ZUP1: variants seen among roughly 807,000 people sequenced by gnomAD.
ZUP1 encodes zinc finger-containing ubiquitin peptidase 1.
Under a neutral mutation model 68.1 loss-of-function variants are expected in ZUP1, and 55 were observed. The observed-to-expected ratio is 0.81, with a 90% CI of 0.65 to 1.01. The LOEUF is 1.01. Ranked by LOEUF, ZUP1 falls within the 50% of genes least tolerant of loss-of-function variation. The probability of loss-of-function intolerance (pLI) is 0.00; values close to 1 mark genes in which losing one functional copy is unlikely to be tolerated. For missense variants in ZUP1, 684 were observed against 674.9 expected (o/e 1.01, Z -0.15); for synonymous variants, 223 against 221.5 (o/e 1.01, Z -0.06).
chr6:116,662,629 G>T (rs1776878667), intron 2 of ZUP1, among the ~76,000 whole-genome samples: 2 of 152,142 alleles, frequency 1.3e-5, no homozygotes. Context: ...TCGGTCATCA[G>T]TCAGCTTCTC....
At chr6:116,648,974 C>CA (rs776241266) in intron 7 of ZUP1, among the ~76,000 whole-genome samples, 207 of 77,108 alleles carry the variant, frequency 2.7e-3, no homozygotes, top group South Asian at 6.8e-3. Flanking sequence ...GACTCTGTCT[C>CA]AAAAAAAAAA....
chr6:116,638,144 A>G (rs1043393792), intron 9 of ZUP1, among the ~76,000 whole-genome samples: 1 of 151,766 alleles, frequency 6.6e-6, no homozygotes, highest in Non-Finnish European at 1.5e-5. Flanking sequence ...CTATTATTTC[A>G]AAAACTTACA....
At chr6:116,637,960 A>G (rs1410808693) in intron 9 of ZUP1, among the ~76,000 whole-genome samples, 1 of 151,616 alleles carries the variant, frequency 6.6e-6, no homozygotes, top group East Asian at 1.9e-4. Flanking sequence ...TACTTGGGAG[A>G]CTGAGGCAGG....
At position 116,651,684 on chromosome 6, in the gene ZUP1, T is replaced by C; in HGVS notation, c.1204A>G (p.Lys402Glu). 2 of 1,613,878 alleles carry C rather than the reference T, an allele frequency of 1.2e-6. No homozygotes were observed. The highest frequency in any genetic ancestry group is 1.7e-6 in the Non-Finnish European group (2 of 1,179,854). ...GCCCCCTGAGGATCAAAACCTTCCT[T>C]CCATGCATCTTCAATCATAGATTGA... is the stretch of plus-strand genomic sequence containing the variant. ...KIQSMIEDAW[K>E]EGFDPQGASQ... The change falls in exon 7 of 10, where the codon AAG becomes GAG. Residue 402 changes from lysine to glutamate, a missense_variant. By Grantham distance (56) the Lys-to-Glu change is moderately conservative. Transcript: ENST00000368576.
At chr6:116,640,876 T>G (rs987267983) in intron 9 of ZUP1, among the ~76,000 whole-genome samples, 3 of 149,784 alleles carry the variant, frequency 2.0e-5, no homozygotes, top group East Asian at 2.0e-4. Context: ...ATGCTCCAAT[T>G]AAAAGACACA....
At chr6:116,664,902 A>G (rs937566226) in intron 2 of ZUP1, among the ~76,000 whole-genome samples, 2 of 152,120 alleles carry the variant, frequency 1.3e-5, no homozygotes, top group Non-Finnish European at 2.9e-5. Flanking sequence ...ACACACACAC[A>G]CACAATCCAG....
chr6:116,645,767 TA>T lies in ZUP1; in HGVS notation c.1635del (p.His545GlnfsTer9), dbSNP rs747428911. 1 of 1,613,966 alleles carries T rather than the reference TA, an allele frequency of 6.2e-7. No homozygotes were observed. The highest frequency in any genetic ancestry group is 1.1e-5 in the South Asian group (1 of 91,080). ...QLRKSMGNLK[H>X]KQYQILAVEG... is the part of the protein sequence containing the mutation. ...TCTACTGCCAATATCTGGTATTGCT[TA>T]TGTTTTAAATTTCCCATAGATTTCC... On this transcript the variant is annotated frameshift_variant, in exon 9 of 10. Transcript: ENST00000368576. LOFTEE classifies it high-confidence loss of function.
At position 116,658,837 on chromosome 6, in the gene ZUP1, GATTCT is replaced by G. The variant is rs757650632; in HGVS notation, c.753_757del (p.Glu251AspfsTer19). Reference sequence around the variant, plus strand: ...CTGAAATTCTTCTATTTCTTGTCTTGATTCTTCAGATCTCCTCTTTCTGTCTTCTT... The same window carrying G: ...CTGAAATTCTTCTATTTCTTGTCTTGTCAGATCTCCTCTTTCTGTCTTCTT... On this transcript the variant is annotated frameshift_variant, in exon 4 of 10. Coordinates refer to ENST00000368576, the MANE Select transcript of ZUP1 (RefSeq NM_145062.3). LOFTEE classifies it high-confidence loss of function. 6.2e-7 allele frequency: 1 copy of G among 1,603,400 alleles called. No homozygotes were observed. The highest frequency in any genetic ancestry group is 1.3e-5 in the African/African-American group (1 of 74,614).
intron 9 of ZUP1, among the ~76,000 whole-genome samples, chr6:116,644,877 A>G (rs1057043032): frequency 1.3e-5 from 2 of 151,742 alleles, no homozygotes; most frequent in African/African-American, 4.8e-5. Flanking sequence ...AAGAAGAAGA[A>G]GAAGAAGAAA....
intron 9 of ZUP1, among the ~76,000 whole-genome samples, chr6:116,638,759 C>T (rs540754964): frequency 8.5e-5 from 13 of 152,292 alleles, no homozygotes; most frequent in South Asian, 4.1e-4. Context: ...GCATGAGTGA[C>T]GCAGAAGACG....
At chr6:116,640,809 T>C (rs993539147) in intron 9 of ZUP1, among the ~76,000 whole-genome samples, 6 of 151,122 alleles carry the variant, frequency 4.0e-5, no homozygotes, top group Non-Finnish European at 8.8e-5. Context: ...GCTAACATCA[T>C]AATGACAGGA....
rs1385255728 is a variant in ZUP1, at chr6:116,659,627, A to AT, written c.671-704_671-703insA. On this transcript the variant is annotated intron_variant, in intron 3 of 9. Coordinates refer to ENST00000368576, the MANE Select transcript of ZUP1 (RefSeq NM_145062.3). Reference sequence around the variant, plus strand: ...AAAGAAATACTAGGGGAGAAAAAAAAAAAAATAAAGAGCATAAAAATACAC... The same window carrying AT: ...AAAGAAATACTAGGGGAGAAAAAAAATAAAAATAAAGAGCATAAAAATACAC... Among the ~76,000 whole-genome samples the AT allele has an allele frequency of 1.0e-4, 15 of 148,158 alleles. No homozygotes were observed. In the East Asian group the frequency reaches 1.2e-3, roughly 11 times the overall value.
chr6:116,666,532 A>C, intron 2 of ZUP1, 102 bp downstream of exon 2: 1 of 908,264 alleles, frequency 1.1e-6, no homozygotes, highest in South Asian at 2.6e-5. Context: ...AATGGATTTC[A>C]AAACACATCT....
chr6:116,663,827 G>T (rs1421547225), intron 2 of ZUP1, among the ~76,000 whole-genome samples: 1 of 151,296 alleles, frequency 6.6e-6, no homozygotes, highest in Non-Finnish European at 1.5e-5. Context: ...CAGGCCTGTA[G>T]TCCCAGCCCC....
intron 9 of ZUP1, among the ~76,000 whole-genome samples, chr6:116,641,506 A>G (rs1562399199): frequency 6.6e-6 from 1 of 152,086 alleles, no homozygotes; most frequent in Non-Finnish European, 1.5e-5. Context: ...ACCACAGTGC[A>G]AGCAAACTAG....
chr6:116,652,277 C>T (rs943810111), intron 5 of ZUP1, 85 bp from the exon 6 acceptor site: 28 of 991,406 alleles, frequency 2.8e-5, no homozygotes, highest in Middle Eastern at 2.2e-4. Flanking sequence ...CTCTCCTTCA[C>T]GCACCATACC....
intron 7 of ZUP1, among the ~76,000 whole-genome samples, chr6:116,649,450 A>G (rs1776412620): frequency 2.0e-5 from 3 of 152,192 alleles, no homozygotes; most frequent in Admixed American, 1.3e-4. Flanking sequence ...AGAAAATGGA[A>G]AGCACCACAG....
intron 8 of ZUP1, 54 bp from the exon 9 acceptor site, chr6:116,645,988 AAT>A (rs1776295549): frequency 3.9e-6 from 5 of 1,281,488 alleles, no homozygotes; most frequent in Non-Finnish European, 4.4e-6. Flanking sequence ...CAGTTATACA[AAT>A]AGTCTCTGTA....
chr6:116,649,605 A>C (rs535062205), intron 7 of ZUP1, among the ~76,000 whole-genome samples: 45 of 152,308 alleles, frequency 3.0e-4, no homozygotes, highest in African/African-American at 9.4e-4. Context: ...GGCAAATCAC[A>C]CCTTAACTCT....
Sources: gnomAD v4.1 joint callset for allele counts (sites outside exome capture counted in the v4.1 genomes callset) on GRCh38, gnomAD v4.1.1 for gene constraint, MANE v1.5 for transcripts, NCBI Gene and HGNC (gene_info 2026-07-23, HGNC 2026-07-21) for gene names.